LYPD6: variants seen among roughly 807,000 people sequenced by gnomAD.
LYPD6 encodes ly6/PLAUR domain-containing protein 6.
Under a neutral mutation model 22.7 loss-of-function variants are expected in LYPD6, and 15 were observed. That is an observed-to-expected ratio of 0.66 (90% CI 0.44 to 1.02). LYPD6 has a LOEUF of 1.02. Among genes scored for constraint, LYPD6 ranks in the 50% least tolerant of loss-of-function variants. LYPD6 has a pLI of 0.00. For synonymous variants in LYPD6, 72 were observed against 77.5 expected (o/e 0.93, Z 0.37); for missense variants, 189 against 208.4 (o/e 0.91, Z 0.57).
Position 149,449,081 on chromosome 2 carries a change from A to G in LYPD6, c.151A>G (p.Thr51Ala). Residue 51 changes from threonine (T) to alanine (A), a missense_variant, in exon 3 of 5, where the codon ACC becomes GCC. Physicochemically the swap from Thr to Ala is moderately conservative, Grantham distance 58. Transcript: ENST00000334166. ...TPYPGGFKCFTCEKAADNYEC... is the reference protein window; with the variant it reads ...TPYPGGFKCFACEKAADNYEC... The stretch of plus-strand genomic sequence containing the variant: ...ATATCCTGGTGGATTTAAATGTTTC[A>G]CCTGTGAAAAGGCAGCAGACAATTA... 6 of 1,613,470 alleles carry G rather than the reference A, an allele frequency of 3.7e-6. No homozygotes were observed. Among genetic ancestry groups the G allele is most frequent in the Non-Finnish European group, 4.2e-6 (5 of 1,179,698 alleles).
At chr2:149,459,502 A>G (rs1186967261) in intron 3 of LYPD6, among the ~76,000 whole-genome samples, 1 of 152,214 alleles carries the variant, frequency 6.6e-6, no homozygotes, top group Non-Finnish European at 1.5e-5. Flanking sequence ...AGTACAACAG[A>G]ATGTCCTTCT....
At chr2:149,389,614 G>T (rs1230074420) in intron 1 of LYPD6, among the ~76,000 whole-genome samples, 1 of 152,196 alleles carries the variant, frequency 6.6e-6, no homozygotes, top group Non-Finnish European at 1.5e-5. Flanking sequence ...CATCTGAATA[G>T]CATGGAAGGT....
At chr2:149,400,743 A>G (rs886896775) in intron 1 of LYPD6, among the ~76,000 whole-genome samples, 4 of 152,232 alleles carry the variant, frequency 2.6e-5, no homozygotes, top group African/African-American at 9.6e-5. Flanking sequence ...GCTTTCAGTT[A>G]TCTAAAACTT....
chr2:149,385,437 T>G (rs1293993833), intron 1 of LYPD6, among the ~76,000 whole-genome samples: 1 of 152,186 alleles, frequency 6.6e-6, no homozygotes, highest in Non-Finnish European at 1.5e-5. Context: ...GCCAAAGACA[T>G]TGGCAATTTG....
chr2:149,382,269 G>A (rs1490405623), intron 1 of LYPD6, among the ~76,000 whole-genome samples: 1 of 152,120 alleles, frequency 6.6e-6, no homozygotes, highest in Non-Finnish European at 1.5e-5. Flanking sequence ...TGAGGAATAT[G>A]GAATTGCTCT....
chr2:149,461,414 AC>A (rs1483090273), intron 3 of LYPD6, among the ~76,000 whole-genome samples: 2 of 151,808 alleles, frequency 1.3e-5, no homozygotes, highest in Admixed American at 1.3e-4. Flanking sequence ...TCATAAAAGA[AC>A]TCTTCAGGCC....
chr2:149,402,418 G>A lies in LYPD6; in HGVS notation c.-71-35220G>A, dbSNP rs531701013. The stretch of plus-strand genomic sequence containing the variant: ...GTAGATACCTAGCAGTGGGATTGCT[G>A]GATCAAATGGTAGATCTATTTTTAG... On this transcript the variant is annotated intron_variant, in intron 1 of 4. Transcript: ENST00000334166. Among the ~76,000 whole-genome samples, 8 of 152,288 alleles carry A rather than the reference G, an allele frequency of 5.3e-5. No homozygotes were observed. In the East Asian group the frequency reaches 9.6e-4, roughly 18 times the overall value.
chr2:149,450,534 G>A (rs892430620), intron 3 of LYPD6, among the ~76,000 whole-genome samples: 9 of 152,150 alleles, frequency 5.9e-5, no homozygotes, highest in Non-Finnish European at 1.0e-4. Flanking sequence ...TGATAATAGG[G>A]CCTACAGGGC....
chr2:149,463,512 C>T (rs985794343), intron 3 of LYPD6, among the ~76,000 whole-genome samples: 2 of 152,120 alleles, frequency 1.3e-5, no homozygotes, highest in African/African-American at 2.4e-5. Context: ...ACCACATAAC[C>T]CAGCAGTTTC....
intron 2 of LYPD6, among the ~76,000 whole-genome samples, chr2:149,444,212 C>T (rs977675551): frequency 1.3e-5 from 2 of 152,230 alleles, no homozygotes; most frequent in African/African-American, 2.4e-5. Flanking sequence ...GAGATTACAT[C>T]GTTGGCCACC....
In LYPD6 at chr2:149,395,493, A is replaced by G. The variant is rs560587079; in HGVS notation, c.-71-42145A>G. 2.6e-5 allele frequency among the ~76,000 whole-genome samples: 4 copies of G among 151,382 alleles called. 1 individual carries two copies. The South Asian group carries it at 8.4e-4, about 32-fold the overall frequency. On this transcript the variant is annotated intron_variant, in intron 1 of 4. Coordinates refer to ENST00000334166, the MANE Select transcript of LYPD6 (RefSeq NM_194317.5). The stretch of plus-strand genomic sequence containing the variant: ...GTATAATGCTATTGTAAGTTTTTTC[A>G]ATTTGCATTACAGATATTTTAAAAA...
intron 1 of LYPD6, among the ~76,000 whole-genome samples, chr2:149,341,096 A>C (rs1681151962): frequency 6.6e-6 from 1 of 152,200 alleles, no homozygotes; most frequent in African/African-American, 2.4e-5. Flanking sequence ...TATTAGAAGT[A>C]CATGGTTTTT....
chr2:149,416,782 TC>T (rs1454759439), intron 1 of LYPD6, among the ~76,000 whole-genome samples: 1 of 152,182 alleles, frequency 6.6e-6, no homozygotes, highest in African/African-American at 2.4e-5. Flanking sequence ...GTATGCTGCA[TC>T]CTGAAGGACA....
chr2:149,383,919 C>T (rs1682124242), intron 1 of LYPD6, among the ~76,000 whole-genome samples: 1 of 152,152 alleles, frequency 6.6e-6, no homozygotes, highest in Admixed American at 6.5e-5. Context: ...AAGTCTTCCT[C>T]AACTCCCATA....
intron 1 of LYPD6, among the ~76,000 whole-genome samples, chr2:149,428,512 C>T (rs1683233954): frequency 6.6e-6 from 1 of 152,194 alleles, no homozygotes; most frequent in African/African-American, 2.4e-5. Context: ...ACACATGTTT[C>T]TGCGTGTCAC....
At chr2:149,457,954 A>G (rs1044136531) in intron 3 of LYPD6, among the ~76,000 whole-genome samples, 1 of 152,210 alleles carries the variant, frequency 6.6e-6, no homozygotes, top group African/African-American at 2.4e-5. Context: ...TGCAAATGCC[A>G]TAGGCACTGG....
At chr2:149,415,549 AG>A (rs1682943494) in intron 1 of LYPD6, among the ~76,000 whole-genome samples, 1 of 152,052 alleles carries the variant, frequency 6.6e-6, no homozygotes, top group Non-Finnish European at 1.5e-5. Context: ...GAGCTGGGGA[AG>A]GCTTGGAGAG....
intron 1 of LYPD6, among the ~76,000 whole-genome samples, chr2:149,346,227 G>GT (rs1681253358): frequency 1.3e-5 from 2 of 151,670 alleles, no homozygotes; most frequent in African/African-American, 4.8e-5. Context: ...CAAACTTGAT[G>GT]TTAATTCGTA....
At chr2:149,407,575 C>T (rs952787794) in intron 1 of LYPD6, among the ~76,000 whole-genome samples, 13 of 152,302 alleles carry the variant, frequency 8.5e-5, no homozygotes, top group East Asian at 1.9e-4. Context: ...CCTTGGCTTT[C>T]GGCTCCATCA....
Sources: gnomAD v4.1 joint callset for allele counts (sites outside exome capture counted in the v4.1 genomes callset) on GRCh38, gnomAD v4.1.1 for gene constraint, MANE v1.5 for transcripts, NCBI Gene and HGNC (gene_info 2026-07-23, HGNC 2026-07-21) for gene names.